Variants in SMYD3 observed in about 807,000 individuals in gnomAD.
The protein encoded by SMYD3 is histone-lysine N-methyltransferase SMYD3.
Under a neutral mutation model 57.7 loss-of-function variants are expected in SMYD3, and 36 were observed. The ratio of observed to expected loss-of-function variants is 0.62; its 90% CI spans 0.48 to 0.82. SMYD3 has a LOEUF of 0.82. SMYD3 is among the 40% of genes least tolerant of loss of function. The pLI, the probability that SMYD3 is intolerant of heterozygous loss-of-function variation, is 0.00. For missense variants in SMYD3, 515 were observed against 538.8 expected, an observed-to-expected ratio of 0.96 and a Z score of 0.44; for synonymous variants, 211 against 195.0, an observed-to-expected ratio of 1.08 and a Z score of -0.68.
rs10646615 is a variant in SMYD3 at position 246,121,432 on chromosome 1, C to CA, written c.532-191496dup. Among the ~76,000 whole-genome samples, 780 of 100,232 alleles carry CA rather than the reference C, an allele frequency of 7.8e-3. 37 individuals carry two copies. The highest frequency in any genetic ancestry group is 0.023 in the East Asian group (58 of 2,546). 65.8% of individuals were successfully genotyped at this position (100,232 alleles called of 152,430 possible). On this transcript the variant is annotated intron_variant, in intron 5 of 11. Transcript: ENST00000490107. Reference sequence around the variant, plus strand: ...GAATTTTGAAATTCCTTCCATTTTGCAAAAAAAAAAAAAAAAAAAAAGCTT... The same window carrying CA: ...GAATTTTGAAATTCCTTCCATTTTGCAAAAAAAAAAAAAAAAAAAAAAGCTT...
chr1:245,898,343 G>A (rs1404393787), intron 8 of SMYD3, among the ~76,000 whole-genome samples: 2 of 152,178 alleles, frequency 1.3e-5, no homozygotes, highest in African/African-American at 4.8e-5. Flanking sequence ...ATGTGTGCGT[G>A]TAAGCTACTT....
rs538901948 is a variant in SMYD3 at position 246,496,210 on chromosome 1, AT to A, written c.164+10843del. Among the ~76,000 whole-genome samples, 48 of 151,240 alleles carry A rather than the reference AT, an allele frequency of 3.2e-4. No homozygotes were observed. In the East Asian group the frequency reaches 9.1e-3, roughly 29 times the overall value. ...CACCACCACGCCCGGCTAATTTTGT[AT>A]TTTTAGTAGAGATGGGATTTCACCA... On this transcript the variant is annotated intron_variant, in intron 1 of 11. Coordinates refer to ENST00000490107, the MANE Select transcript of SMYD3 (RefSeq NM_001167740.2).
At chr1:246,268,175 T>C (rs1558363550) in intron 5 of SMYD3, among the ~76,000 whole-genome samples, 1 of 151,868 alleles carries the variant, frequency 6.6e-6, no homozygotes, top group Non-Finnish European at 1.5e-5. Context: ...AGATGGGAGG[T>C]CGGCACAAGA....
chr1:246,239,303 T>G (rs1025654069), intron 5 of SMYD3, among the ~76,000 whole-genome samples: 7 of 152,118 alleles, frequency 4.6e-5, no homozygotes, highest in African/African-American at 1.7e-4. Context: ...TGTGTCCAAG[T>G]GTTCTCATTG....
chr1:246,373,250 T>C (rs977327790), intron 1 of SMYD3, among the ~76,000 whole-genome samples: 1 of 152,134 alleles, frequency 6.6e-6, no homozygotes, highest in South Asian at 2.1e-4. Context: ...CAAATAAACA[T>C]AAACATTAAT....
chr1:246,494,783 G>C (rs1297350287), intron 1 of SMYD3, among the ~76,000 whole-genome samples: 2 of 152,176 alleles, frequency 1.3e-5, no homozygotes, highest in Non-Finnish European at 2.9e-5. Flanking sequence ...TCATAACCAT[G>C]CCAATTAAAA....
chr1:245,879,121 T>A (rs934155293), intron 8 of SMYD3, among the ~76,000 whole-genome samples: 1 of 152,200 alleles, frequency 6.6e-6, no homozygotes, highest in African/African-American at 2.4e-5. Flanking sequence ...CGGTAGTCAT[T>A]AAACTATTGG....
At chr1:245,987,115 CA>C in intron 5 of SMYD3, among the ~76,000 whole-genome samples, 1 of 152,200 alleles carries the variant, frequency 6.6e-6, no homozygotes, top group South Asian at 2.1e-4. Context: ...ATGATGAAAC[CA>C]ACTCATATTC....
intron 5 of SMYD3, among the ~76,000 whole-genome samples, chr1:246,291,600 T>C (rs1452484373): frequency 6.6e-6 from 1 of 152,188 alleles, no homozygotes; most frequent in Non-Finnish European, 1.5e-5. Flanking sequence ...GCAATAGCAA[T>C]GACAAGAAAA....
chr1:245,918,194 C>T (rs1558492747), intron 7 of SMYD3, among the ~76,000 whole-genome samples: 3 of 152,184 alleles, frequency 2.0e-5, no homozygotes, highest in South Asian at 2.1e-4. Context: ...AGAATATCTG[C>T]CCTTAAGAGA....
intron 8 of SMYD3, among the ~76,000 whole-genome samples, chr1:245,876,705 C>T (rs2052505150): frequency 6.6e-6 from 1 of 152,236 alleles, no homozygotes; most frequent in African/African-American, 2.4e-5. Context: ...CCCCAGTGCA[C>T]TCCAGGGCCA....
chr1:246,415,836 T>C (rs10924726), intron 1 of SMYD3, among the ~76,000 whole-genome samples: 66,702 of 152,044 alleles, frequency 0.44, 15,351 homozygotes, highest in Admixed American at 0.54. Context: ...AGTTTATTTA[T>C]CTATTGCCAC....
intron 5 of SMYD3, among the ~76,000 whole-genome samples, chr1:246,123,789 C>A (rs1024693514): frequency 5.9e-5 from 9 of 151,798 alleles, no homozygotes; most frequent in African/African-American, 2.2e-4. Flanking sequence ...CAAAGGGATG[C>A]ATACTGTCCA....
chr1:245,967,588 C>T lies in SMYD3; in HGVS notation c.532-37651G>A, dbSNP rs1422579246. 3.9e-5 allele frequency among the ~76,000 whole-genome samples: 6 copies of T among 152,294 alleles called. No homozygotes were observed. The East Asian group carries it at 5.8e-4, about 15-fold the overall frequency. ...AGAAAGGCTGGCCTGTGATTACTTC[C>T]GGTGTCTACCTAGTGTGAAATGTGT... On this transcript the variant is annotated intron_variant, in intron 5 of 11. Coordinates refer to ENST00000490107, the MANE Select transcript of SMYD3 (RefSeq NM_001167740.2).
At chr1:246,191,201 T>G (rs941000463) in intron 5 of SMYD3, among the ~76,000 whole-genome samples, 22 of 152,224 alleles carry the variant, frequency 1.4e-4, no homozygotes, top group African/African-American at 5.3e-4. Context: ...AAAAGTATCC[T>G]TGAAATCAGT....
intron 5 of SMYD3, among the ~76,000 whole-genome samples, chr1:246,078,158 A>T (rs2060578297): frequency 6.6e-6 from 1 of 152,108 alleles, no homozygotes; most frequent in Non-Finnish European, 1.5e-5. Flanking sequence ...CCTGCCCCAA[A>T]CACTCCTTAT....
Position 245,837,052 on chromosome 1 carries a change from A to G in SMYD3, c.1076+21444T>C, listed in dbSNP as rs12045046. 1.1e-4 allele frequency among the ~76,000 whole-genome samples: 17 copies of G among 152,246 alleles called. No homozygotes were observed. In the East Asian group the frequency reaches 3.3e-3, roughly 29 times the overall value. On this transcript the variant is annotated intron_variant, in intron 10 of 11. Coordinates refer to ENST00000490107, the MANE Select transcript of SMYD3 (RefSeq NM_001167740.2). ...GGCATCGTCACTGACCAATCAGAAG[A>G]GATGCCAGTAGTTGGGCGCAGTGGC...
chr1:246,054,625 T>A lies in SMYD3; in HGVS notation c.532-124688A>T, dbSNP rs182676160. ...ATTATGCTAAGCGAAAACAGTTGGA[T>A]GTAAGGGTACATACTGATTTCACTT... On this transcript the variant is annotated intron_variant, in intron 5 of 11. Transcript: ENST00000490107. Among the ~76,000 whole-genome samples, 33 of 152,096 alleles carry A rather than the reference T, an allele frequency of 2.2e-4. No individual in the cohort carries two copies. In the East Asian group the frequency reaches 6.4e-3, roughly 29 times the overall value.
chr1:246,303,322 A>C (rs1332709411), intron 5 of SMYD3, among the ~76,000 whole-genome samples: 4 of 152,130 alleles, frequency 2.6e-5, no homozygotes, highest in Non-Finnish European at 5.9e-5. Context: ...TGTATAATAA[A>C]TGAGTGCTGT....
Sources: gnomAD v4.1 joint callset for allele counts (sites outside exome capture counted in the v4.1 genomes callset) on GRCh38, gnomAD v4.1.1 for gene constraint, MANE v1.5 for transcripts, NCBI Gene and HGNC (gene_info 2026-07-23, HGNC 2026-07-21) for gene names.